ROBO2: variants seen among roughly 807,000 people sequenced by gnomAD.
The protein encoded by ROBO2 is roundabout guidance receptor 2.
In ROBO2, 53 loss-of-function variants were observed where a neutral mutation model predicts 160.8. The observed-to-expected ratio is 0.33, with a 90% confidence interval of 0.26 to 0.41. The LOEUF is 0.41. Ranked by LOEUF, ROBO2 falls within the 10% of genes least tolerant of loss-of-function variation. The probability of loss-of-function intolerance (pLI) is 1.00; values close to 1 mark genes in which losing one functional copy is unlikely to be tolerated. For missense variants in ROBO2, 1,577 were observed against 1,722.4 expected (o/e 0.92, Z 1.49); for synonymous variants, 664 against 611.7 (o/e 1.09, Z -1.26).
At chr3:76,049,403 A>ATATATATATATTTTTTTTTTTTT (rs1414664360) in intron 2 of ROBO2, among the ~76,000 whole-genome samples, 1 of 53,752 alleles carries the variant, frequency 1.9e-5, no homozygotes, top group African/African-American at 1.5e-4. Context: ...ATATATATAT[A>ATATATATATATTTTTTTTTTTTT]TTTTTTTTTT....
At chr3:76,919,268 T>G (rs1038843525) in intron 2 of ROBO2, among the ~76,000 whole-genome samples, 4 of 152,212 alleles carry the variant, frequency 2.6e-5, no homozygotes, top group African/African-American at 9.6e-5. Context: ...AAACAATTTT[T>G]GATAATTTTC....
chr3:75,929,227 G>A (rs528230766), intron 1 of ROBO2, among the ~76,000 whole-genome samples: 4 of 150,372 alleles, frequency 2.7e-5, no homozygotes, highest in Admixed American at 6.7e-5. Context: ...GACTTAAACC[G>A]TTCATTGAAT....
intron 2 of ROBO2, among the ~76,000 whole-genome samples, chr3:76,082,241 G>A (rs1421787896): frequency 1.3e-5 from 2 of 152,190 alleles, no homozygotes; most frequent in Non-Finnish European, 2.9e-5. Context: ...AATTAGGGAA[G>A]ACTCACCAGA....
intron 2 of ROBO2, among the ~76,000 whole-genome samples, chr3:76,909,848 TCTC>T (rs1185702584): frequency 6.6e-6 from 1 of 152,208 alleles, no homozygotes; most frequent in East Asian, 1.9e-4. Flanking sequence ...TTACATTTCT[TCTC>T]CTTGTCATAA....
chr3:77,636,172 G>T (rs1168937932), intron 24 of ROBO2, among the ~76,000 whole-genome samples: 2 of 152,132 alleles, frequency 1.3e-5, no homozygotes, highest in Non-Finnish European at 2.9e-5. Flanking sequence ...CAAACATCCA[G>T]ACTCTAGAAA....
At chr3:76,253,488 G>C (rs953276708) in intron 2 of ROBO2, among the ~76,000 whole-genome samples, 1 of 151,134 alleles carries the variant, frequency 6.6e-6, no homozygotes, top group East Asian at 1.9e-4. Context: ...TGCTCAGGCT[G>C]GTCTTGAACA....
chr3:76,555,413 A>AGAC (rs2083700210), intron 2 of ROBO2, among the ~76,000 whole-genome samples: 2 of 68,824 alleles, frequency 2.9e-5, no homozygotes, highest in Non-Finnish European at 9.0e-5. Flanking sequence ...AAGAAGAAGA[A>AGAC]GAAGAAAGAA....
intron 24 of ROBO2, 112 bp downstream of exon 25, chr3:77,635,155 A>G: frequency 1.7e-6 from 2 of 1,201,882 alleles, no homozygotes; most frequent in East Asian, 2.6e-5. Flanking sequence ...ATTACATAAC[A>G]AGACAAAAAC....
chr3:77,444,777 C>A (rs1383768980), intron 2 of ROBO2, among the ~76,000 whole-genome samples: 1 of 151,984 alleles, frequency 6.6e-6, no homozygotes, highest in Non-Finnish European at 1.5e-5. Flanking sequence ...TTTGGAAAGA[C>A]CTTTATTTAA....
intron 2 of ROBO2, among the ~76,000 whole-genome samples, chr3:76,747,169 C>T (rs1026064498): frequency 2.6e-5 from 4 of 151,956 alleles, no homozygotes; most frequent in African/African-American, 4.8e-5. Context: ...CAAGTCCTTC[C>T]GTCTTAAAAT....
chr3:77,525,701 C>T (rs1422853981), intron 6 of ROBO2, among the ~76,000 whole-genome samples: 1 of 150,630 alleles, frequency 6.6e-6, no homozygotes, highest in East Asian at 1.9e-4. Context: ...AGCATTAAAG[C>T]CTTAATTTTT....
intron 2 of ROBO2, among the ~76,000 whole-genome samples, chr3:76,292,965 T>C (rs1045157057): frequency 7.3e-6 from 1 of 136,552 alleles, no homozygotes; most frequent in African/African-American, 3.2e-5. Context: ...GTACTAGGGT[T>C]TTTTTTTTTT....
chr3:77,358,735 A>G (rs552018760), intron 2 of ROBO2, among the ~76,000 whole-genome samples: 13 of 152,340 alleles, frequency 8.5e-5, no homozygotes, highest in Admixed American at 2.6e-4. Flanking sequence ...TCTAGATAAC[A>G]ATGTATTTAG....
chr3:76,388,469 C>T (rs1034708539), intron 2 of ROBO2, among the ~76,000 whole-genome samples: 3 of 152,044 alleles, frequency 2.0e-5, no homozygotes, highest in African/African-American at 7.2e-5. Flanking sequence ...GACGGGGTTC[C>T]ACCGTGTTAG....
At chr3:76,997,069 A>T (rs9832538) in intron 2 of ROBO2, among the ~76,000 whole-genome samples, 1,847 of 152,276 alleles carry the variant, frequency 0.012, 46 homozygotes, top group African/African-American at 0.038. Flanking sequence ...TCTGAGATAA[A>T]TTATTTCAGT....
intron 2 of ROBO2, among the ~76,000 whole-genome samples, chr3:77,475,114 A>C (rs1435749492): frequency 6.6e-6 from 1 of 152,146 alleles, no homozygotes; most frequent in Non-Finnish European, 1.5e-5. Flanking sequence ...CTGAAGACTT[A>C]GGGTTAAATA....
chr3:77,102,302 G>A (rs1170384438), intron 2 of ROBO2, among the ~76,000 whole-genome samples: 2 of 147,416 alleles, frequency 1.4e-5, no homozygotes, highest in African/African-American at 5.0e-5. Flanking sequence ...TGTGTGTGTT[G>A]CGTGGGTGGG....
At chr3:75,908,984 G>A (rs969640446) in intron 1 of ROBO2, among the ~76,000 whole-genome samples, 41 of 152,296 alleles carry the variant, frequency 2.7e-4, no homozygotes, top group African/African-American at 6.3e-4. Flanking sequence ...TGCCAGCTTC[G>A]CAGTGAATAG....
intron 2 of ROBO2, among the ~76,000 whole-genome samples, chr3:76,766,593 G>A (rs543765497): frequency 2.6e-5 from 4 of 151,654 alleles, no homozygotes; most frequent in East Asian, 3.9e-4. Flanking sequence ...AATGAGAAAC[G>A]TAATGCTTAA....
Sources: gnomAD v4.1 joint callset for allele counts (sites outside exome capture counted in the v4.1 genomes callset) on GRCh38, gnomAD v4.1.1 for gene constraint, MANE v1.5 for transcripts, NCBI Gene and HGNC (gene_info 2026-07-23, HGNC 2026-07-21) for gene names.